The following CAMLG variants were observed in gnomAD, a reference collection of about 807,000 sequenced individuals.
CAMLG encodes guided entry of tail-anchored proteins factor CAMLG.
A neutral mutation model predicts 28.9 loss-of-function variants in CAMLG; 23 were observed. The observed-to-expected ratio is 0.80, with a 90% CI of 0.57 to 1.13. CAMLG has a LOEUF of 1.13. CAMLG is among the 50% of genes most tolerant of loss of function. CAMLG has a pLI of 0.00. For missense variants in CAMLG, 367 were observed against 371.9 expected (o/e 0.99, Z 0.11); for synonymous variants, 141 against 146.5 (o/e 0.96, Z 0.27).
chr5:134,740,717 C>T (rs1446358619), intron 1 of CAMLG, among the ~76,000 whole-genome samples: 1 of 152,180 alleles, frequency 6.6e-6, no homozygotes, highest in Non-Finnish European at 1.5e-5. Flanking sequence ...CTGCCTCAGC[C>T]AGAGTAGCTG....
Position 134,750,749 on chromosome 5 carries a change from C to G in CAMLG, c.700-10C>G. 2 of 1,600,126 alleles carry G rather than the reference C, an allele frequency of 1.2e-6. No homozygotes were observed. The highest frequency in any genetic ancestry group is 2.2e-5 in the South Asian group (2 of 90,636). On this transcript the variant is annotated splice_polypyrimidine_tract_variant and intron_variant, in intron 3 of 3. Transcript: ENST00000297156. Reference sequence around the variant, plus strand: ...ACTTTGAAGATTAATTTGAGTCTTTCTCTACACAGAGTGAAAAGAAGATAA... The same window carrying G: ...ACTTTGAAGATTAATTTGAGTCTTTGTCTACACAGAGTGAAAAGAAGATAA...
intron 2 of CAMLG, among the ~76,000 whole-genome samples, chr5:134,743,086 A>G (rs1260732638): frequency 1.3e-5 from 2 of 152,050 alleles, no homozygotes; most frequent in Non-Finnish European, 1.5e-5. Context: ...GGATCTTGCT[A>G]TGGTGTCCAG....
At chr5:134,749,467 T>C (rs1753088279) in intron 3 of CAMLG, among the ~76,000 whole-genome samples, 1 of 152,196 alleles carries the variant, frequency 6.6e-6, no homozygotes, top group African/African-American at 2.4e-5. Flanking sequence ...AAAATGAGAC[T>C]AGAAAATTAA....
At chr5:134,746,452 C>T (rs1753050447) in intron 3 of CAMLG, among the ~76,000 whole-genome samples, 1 of 152,014 alleles carries the variant, frequency 6.6e-6, no homozygotes, top group African/African-American at 2.4e-5. Context: ...ATTCTCCCAA[C>T]AAAACAGCAT....
Position 134,741,128 on chromosome 5 carries a change from T to C in CAMLG, c.238T>C (p.Ser80Pro). 6.2e-7 allele frequency: 1 copy of C among 1,614,094 alleles called. No individual in the cohort carries two copies. The highest frequency in any genetic ancestry group is 1.1e-5 in the South Asian group (1 of 91,080). ...SDKLNSLSVP[S>P]VSKRVVLGDS... is the part of the protein sequence containing the mutation. ...TAAACTGAACTCCCTCAGCGTTCCT[T>C]CCGTTTCAAAGCGAGTAGTGCTGGG... The change falls in exon 2 of 4, where the codon TCC becomes CCC. Residue 80 changes from serine to proline, a missense_variant. Physicochemically the swap from Ser to Pro is moderately conservative, Grantham distance 74 (BLOSUM62 -1). Coordinates refer to ENST00000297156, the MANE Select transcript of CAMLG (RefSeq NM_001745.4).
Position 134,738,746 on chromosome 5 carries a change from G to A in CAMLG, c.126G>A (p.Gln42=). The stretch of plus-strand genomic sequence containing the variant: ...GAAAGCTGCTCATGAACTCGGAACA[G>A]CGCATCAACCGGATCATGGGCTTTC... ...RRRKLLMNSE[Q]RINRIMGFHR... Residue 42 remains glutamine (Q), a synonymous_variant, in exon 1 of 4, where the codon CAG becomes CAA. Transcript: ENST00000297156. 1 of 1,614,156 alleles carries A rather than the reference G, an allele frequency of 6.2e-7. No individual in the cohort carries two copies. The highest frequency in any genetic ancestry group is 1.1e-5 in the South Asian group (1 of 91,086).
At chr5:134,748,992 AT>A (rs1486395603) in intron 3 of CAMLG, among the ~76,000 whole-genome samples, 1 of 144,372 alleles carries the variant, frequency 6.9e-6, no homozygotes, top group East Asian at 2.1e-4. Flanking sequence ...TTTTGGGGTT[AT>A]TATGACTAAA....
Position 134,743,982 on chromosome 5 carries a change from C to G in CAMLG, c.634-5C>G. The G allele has an allele frequency of 7.8e-7, 1 of 1,277,704 alleles. No homozygotes were observed. The highest frequency in any genetic ancestry group is 1.8e-5 in the Admixed American group (1 of 56,930). The allele number at this position is 1,277,704 out of a possible 1,614,324, so 79.1% of individuals were successfully genotyped here. ...AATATTTAATTTTATCTTCTATCTTCACAGTCCATATTTGCTCCATTTCTT... is the reference window on the plus strand; with the variant it reads ...AATATTTAATTTTATCTTCTATCTTGACAGTCCATATTTGCTCCATTTCTT... On this transcript the variant is annotated splice_region_variant and splice_polypyrimidine_tract_variant and intron_variant, in intron 2 of 3. Transcript: ENST00000297156.
intron 2 of CAMLG, 49 bp downstream of exon 2, chr5:134,741,572 A>G (rs762120916): frequency 1.4e-4 from 170 of 1,189,188 alleles, no homozygotes; most frequent in Middle Eastern, 2.0e-4. Flanking sequence ...AAAATGCAAA[A>G]TGTTAATAAT....
At chr5:134,746,129 C>T (rs1753045674) in intron 3 of CAMLG, among the ~76,000 whole-genome samples, 3 of 131,392 alleles carry the variant, frequency 2.3e-5, no homozygotes, top group South Asian at 4.8e-4. Flanking sequence ...CAAAGCAAAA[C>T]TCCATCTCAA....
At chr5:134,739,946 G>A (rs930372241) in intron 1 of CAMLG, among the ~76,000 whole-genome samples, 2 of 152,152 alleles carry the variant, frequency 1.3e-5, no homozygotes, top group Non-Finnish European at 2.9e-5. Flanking sequence ...CATGATCATA[G>A]CTTACTGCAG....
intron 2 of CAMLG, among the ~76,000 whole-genome samples, chr5:134,743,476 A>G (rs909392073): frequency 6.6e-6 from 1 of 152,118 alleles, no homozygotes; most frequent in Non-Finnish European, 1.5e-5. Flanking sequence ...AGGCTGAGGC[A>G]GGAGAATTGC....
At position 134,738,661 on chromosome 5, in the gene CAMLG, C is replaced by T. The variant is rs1368287247; in HGVS notation, c.41C>T (p.Pro14Leu). ...GTCGCTACCGACGGCGGGGAGAGGC[C>T]GGGGGTCCCAGCGGGCTCAGGTCTG... The part of the protein sequence containing the change: ...MAVATDGGER[P>L]GVPAGSGLSA... The change falls in exon 1 of 4, where the codon CCG becomes CTG. Residue 14 changes from proline (P) to leucine (L), a missense_variant. Physicochemically the swap from Pro to Leu is moderately conservative, Grantham distance 98. Coordinates refer to ENST00000297156, the MANE Select transcript of CAMLG (RefSeq NM_001745.4). 2 of 1,613,206 alleles carry T rather than the reference C, an allele frequency of 1.2e-6. No homozygotes were observed. Among genetic ancestry groups the T allele is most frequent in the South Asian group, 1.1e-5 (1 of 91,046 alleles).
At chr5:134,750,698 T>C in intron 3 of CAMLG, 61 bp from the exon 4 acceptor site, 1 of 1,177,756 alleles carries the variant, frequency 8.5e-7, no homozygotes. Context: ...ATCATGTTTG[T>C]ATAGAGCTTA....
At chr5:134,740,104 G>C (rs73297357) in intron 1 of CAMLG, among the ~76,000 whole-genome samples, 10,341 of 152,170 alleles carry the variant, frequency 0.068, 769 homozygotes, top group African/African-American at 0.19. Context: ...AAGCTGGTCT[G>C]GAACTTCTGG....
chr5:134,748,350 C>T (rs938783267), intron 3 of CAMLG, among the ~76,000 whole-genome samples: 1 of 152,076 alleles, frequency 6.6e-6, no homozygotes, highest in African/African-American at 2.4e-5. Context: ...AGTTCAAGAC[C>T]AGTGTGGCCA....
chr5:134,749,794 G>A (rs1753092088), intron 3 of CAMLG, among the ~76,000 whole-genome samples: 1 of 152,140 alleles, frequency 6.6e-6, no homozygotes, highest in Non-Finnish European at 1.5e-5. Flanking sequence ...TCTCAGTTCA[G>A]TGCAGCCTCA....
intron 3 of CAMLG, among the ~76,000 whole-genome samples, chr5:134,746,169 T>G (rs1218176714): frequency 6.7e-6 from 1 of 149,152 alleles, no homozygotes; most frequent in East Asian, 2.0e-4. Flanking sequence ...TTATAACGTA[T>G]CTATTCAGAA....
At chr5:134,746,007 G>A (rs537046427) in intron 3 of CAMLG, among the ~76,000 whole-genome samples, 34 of 151,212 alleles carry the variant, frequency 2.2e-4, no homozygotes, top group Non-Finnish European at 4.6e-4. Flanking sequence ...GCATGGTGGC[G>A]CATGCCTGTA....
Sources: gnomAD v4.1 joint callset for allele counts (sites outside exome capture counted in the v4.1 genomes callset) on GRCh38, gnomAD v4.1.1 for gene constraint, MANE v1.5 for transcripts, NCBI Gene and HGNC (gene_info 2026-07-23, HGNC 2026-07-21) for gene names.